LRFN2: variants seen among roughly 807,000 people sequenced by gnomAD.
LRFN2 encodes the protein leucine rich repeat and fibronectin type III domain containing 2, also known as leucine-rich repeat and fibronectin type-III domain-containing protein 2.
A neutral mutation model predicts 37.3 loss-of-function variants in LRFN2; 18 were observed. The observed-to-expected ratio is 0.48, with a 90% CI of 0.33 to 0.72. The LOEUF (loss-of-function observed/expected upper bound fraction) is 0.72. Among genes scored for constraint, LRFN2 ranks in the 30% least tolerant of loss-of-function variants. LRFN2 has a pLI of 0.02. For missense variants in LRFN2, 1,006 were observed against 1,060.7 expected (o/e 0.95, Z 0.72); for synonymous variants, 556 against 466.6 (o/e 1.19, Z -2.47).
At chr6:40,402,752 A>G (rs1376733596) in intron 2 of LRFN2, among the ~76,000 whole-genome samples, 2 of 152,186 alleles carry the variant, frequency 1.3e-5, no homozygotes, top group African/African-American at 4.8e-5. Flanking sequence ...ACATCTAATA[A>G]TTGTGCTACC....
intron 2 of LRFN2, among the ~76,000 whole-genome samples, chr6:40,404,773 T>C (rs1238668932): frequency 6.6e-6 from 1 of 152,000 alleles, no homozygotes; most frequent in Non-Finnish European, 1.5e-5. Context: ...GATGAATTTG[T>C]CTTGGAGGCT....
chr6:40,499,166 C>T (rs187409965), intron 1 of LRFN2, among the ~76,000 whole-genome samples: 193 of 152,298 alleles, frequency 1.3e-3, no homozygotes, highest in African/African-American at 4.0e-3. Context: ...TGTTCCTCTC[C>T]GTTCAACATC....
chr6:40,416,459 G>A (rs1167016693), intron 2 of LRFN2, among the ~76,000 whole-genome samples: 1 of 152,254 alleles, frequency 6.6e-6, no homozygotes, highest in Non-Finnish European at 1.5e-5. Context: ...GCACCACAAG[G>A]ATTCACAGAA....
rs568806627 is a variant in LRFN2, at chr6:40,503,587, A to G, written c.-18-70456T>C. Among the ~76,000 whole-genome samples the G allele has an allele frequency of 5.1e-4, 77 of 152,332 alleles. 2 individuals carry two copies. In the South Asian group the frequency reaches 0.015, roughly 29 times the overall value. Reference sequence around the variant, plus strand: ...AGTTGACAGTGCAGATCGGAGCTCAAGAGAAGTCTTGGTAGGAGACACAAA... The same window carrying G: ...AGTTGACAGTGCAGATCGGAGCTCAGGAGAAGTCTTGGTAGGAGACACAAA... On this transcript the variant is annotated intron_variant, in intron 1 of 2. Transcript: ENST00000338305.
At chr6:40,433,160 C>A in intron 1 of LRFN2, 29 bp from the exon 2 acceptor site, 2 of 1,504,834 alleles carry the variant, frequency 1.3e-6, no homozygotes, top group South Asian at 2.7e-5. Context: ...AGCTCAGGGT[C>A]AGGAGGCAAA....
chr6:40,581,986 A>G (rs1309424416), intron 1 of LRFN2, among the ~76,000 whole-genome samples: 1 of 152,328 alleles, frequency 6.6e-6, no homozygotes, highest in East Asian at 1.9e-4. Flanking sequence ...AATGAAAAAG[A>G]ATGGGGTAGC....
intron 2 of LRFN2, among the ~76,000 whole-genome samples, chr6:40,399,442 T>C (rs1404693018): frequency 1.5e-5 from 2 of 137,146 alleles, no homozygotes; most frequent in African/African-American, 6.2e-5. Flanking sequence ...TTTTTTCTTT[T>C]TTTTTTTTTT....
At chr6:40,536,199 C>T (rs1201925036) in intron 1 of LRFN2, among the ~76,000 whole-genome samples, 1 of 152,044 alleles carries the variant, frequency 6.6e-6, no homozygotes, top group Admixed American at 6.5e-5. Flanking sequence ...CAGCAGCTCC[C>T]AGGGTGAGTG....
At chr6:40,430,354 G>A (rs1763451647) in intron 2 of LRFN2, among the ~76,000 whole-genome samples, 1 of 152,210 alleles carries the variant, frequency 6.6e-6, no homozygotes, top group South Asian at 2.1e-4. Context: ...CAGACAGTCA[G>A]AGCTGGAGGA....
intron 1 of LRFN2, among the ~76,000 whole-genome samples, chr6:40,439,218 C>T (rs887790274): frequency 2.0e-5 from 3 of 152,304 alleles, no homozygotes; most frequent in Admixed American, 6.5e-5. Flanking sequence ...AGGAGCCGCC[C>T]GCCCCTAGAG....
chr6:40,396,686 C>CTGTGTG (rs3997706), intron 2 of LRFN2, among the ~76,000 whole-genome samples: 2,113 of 135,138 alleles, frequency 0.016, 84 homozygotes, highest in African/African-American at 0.055. Context: ...TTCCTCTGCT[C>CTGTGTG]TGTGTGTGTG....
At chr6:40,503,555 T>C (rs546291776) in intron 1 of LRFN2, among the ~76,000 whole-genome samples, 1 of 152,290 alleles carries the variant, frequency 6.6e-6, no homozygotes, top group South Asian at 2.1e-4. Flanking sequence ...GAAGAGATCC[T>C]GAGTAGAGTT....
intron 1 of LRFN2, among the ~76,000 whole-genome samples, chr6:40,512,395 C>T (rs1246746988): frequency 3.3e-5 from 5 of 152,106 alleles, no homozygotes; most frequent in Admixed American, 2.0e-4. Context: ...TAATTAGCAG[C>T]GATATTTCTT....
chr6:40,496,219 G>A lies in LRFN2; in HGVS notation c.-18-63088C>T, dbSNP rs148097405. Among the ~76,000 whole-genome samples the A allele has an allele frequency of 2.0e-5, 3 of 152,118 alleles. No homozygotes were observed. In the East Asian group the frequency reaches 5.8e-4, roughly 29 times the overall value. On this transcript the variant is annotated intron_variant, in intron 1 of 2. Transcript: ENST00000338305. ...TTACCACCTCCACTACTACTGCCTGGTCCATGTCACCATCCTCTCTCACTT... is the reference window on the plus strand; with the variant it reads ...TTACCACCTCCACTACTACTGCCTGATCCATGTCACCATCCTCTCTCACTT...
chr6:40,487,502 C>T (rs1367151635), intron 1 of LRFN2, among the ~76,000 whole-genome samples: 2 of 152,236 alleles, frequency 1.3e-5, no homozygotes, highest in Non-Finnish European at 2.9e-5. Context: ...TCCATGGAGC[C>T]TATCCTTGCA....
At chr6:40,394,089 C>T (rs1762567933) in intron 2 of LRFN2, among the ~76,000 whole-genome samples, 1 of 152,134 alleles carries the variant, frequency 6.6e-6, no homozygotes, top group African/African-American at 2.4e-5. Context: ...TAGTAGAAGA[C>T]TTTAACTGCT....
At chr6:40,476,742 C>A (rs569202119) in intron 1 of LRFN2, among the ~76,000 whole-genome samples, 1 of 152,254 alleles carries the variant, frequency 6.6e-6, no homozygotes, top group Non-Finnish European at 1.5e-5. Context: ...CTCATCGTCA[C>A]TTTACTTGGC....
chr6:40,419,477 G>T lies in LRFN2; in HGVS notation c.1400+12237C>A, dbSNP rs138523489. Among the ~76,000 whole-genome samples the T allele has an allele frequency of 4.9e-4, 75 of 152,296 alleles. 1 individual carries two copies. The East Asian group carries it at 0.014, about 28-fold the overall frequency. On this transcript the variant is annotated intron_variant, in intron 2 of 2. Coordinates refer to ENST00000338305, the MANE Select transcript of LRFN2 (RefSeq NM_020737.3). ...TCAGAACTGGAGCCTGAAGCCAAGT[G>T]CAGTCCTGCCCAGCCCAGCCCAGGC...
At chr6:40,446,106 G>A (rs1763963714) in intron 1 of LRFN2, among the ~76,000 whole-genome samples, 1 of 152,130 alleles carries the variant, frequency 6.6e-6, no homozygotes, top group African/African-American at 2.4e-5. Context: ...GCACCTCCTG[G>A]GGACCTCACC....
Sources: gnomAD v4.1 joint callset for allele counts (sites outside exome capture counted in the v4.1 genomes callset) on GRCh38, gnomAD v4.1.1 for gene constraint, MANE v1.5 for transcripts, NCBI Gene and HGNC (gene_info 2026-07-23, HGNC 2026-07-21) for gene names.